BTBD16: variants seen among roughly 807,000 people sequenced by gnomAD.
The protein encoded by BTBD16 is BTB domain containing 16.
Under a neutral mutation model 67.4 loss-of-function variants are expected in BTBD16, and 66 were observed. The ratio of observed to expected loss-of-function variants is 0.98; its 90% CI spans 0.80 to 1.20. The LOEUF is 1.20. Ranked by LOEUF, BTBD16 falls within the 50% of genes most tolerant of loss-of-function variation. The pLI, the probability that BTBD16 is intolerant of heterozygous loss-of-function variation, is 0.00. For missense variants in BTBD16, 634 were observed against 616.0 expected (o/e 1.03, Z -0.31); for synonymous variants, 242 against 236.4 (o/e 1.02, Z -0.22).
At chr10:122,301,264 G>GA (rs1000793989) in intron 9 of BTBD16, among the ~76,000 whole-genome samples, 1 of 152,142 alleles carries the variant, frequency 6.6e-6, no homozygotes, top group South Asian at 2.1e-4. Flanking sequence ...CAAGAAAGGA[G>GA]AAAAAAATGT....
chr10:122,314,861 G>A (rs2096421037), intron 10 of BTBD16, among the ~76,000 whole-genome samples: 1 of 151,440 alleles, frequency 6.6e-6, no homozygotes, highest in Admixed American at 6.6e-5. Context: ...TTCCCTTATT[G>A]CACTAGGTAG....
intron 5 of BTBD16, among the ~76,000 whole-genome samples, chr10:122,288,493 C>A (rs967038112): frequency 1.3e-5 from 2 of 152,150 alleles, no homozygotes; most frequent in African/African-American, 2.4e-5. Flanking sequence ...CATCATTTTT[C>A]ATTATCTGGA....
chr10:122,295,512 T>G, intron 7 of BTBD16: 1 of 985,352 alleles, frequency 1.0e-6, no homozygotes, highest in Non-Finnish European at 1.2e-6. Context: ...TGGTTTAGGC[T>G]GAGCCCCTCC....
intron 12 of BTBD16, 91 bp from the exon 13 acceptor site, chr10:122,332,345 G>C: frequency 8.3e-7 from 1 of 1,201,138 alleles, no homozygotes; most frequent in Non-Finnish European, 1.2e-6. Context: ...TGGTGAGGGG[G>C]GCAGGGGTCA....
chr10:122,313,095 C>G (rs1335617122), intron 10 of BTBD16, among the ~76,000 whole-genome samples: 1 of 151,746 alleles, frequency 6.6e-6, no homozygotes, highest in Admixed American at 6.6e-5. Flanking sequence ...CCAGGCTGGT[C>G]TCGAACTCCT....
intron 12 of BTBD16, among the ~76,000 whole-genome samples, chr10:122,331,696 C>T (rs1218950794): frequency 6.6e-6 from 1 of 152,148 alleles, no homozygotes; most frequent in African/African-American, 2.4e-5. Context: ...GGCATTTCCC[C>T]TTTGTGAATT....
intron 3 of BTBD16, among the ~76,000 whole-genome samples, chr10:122,281,138 GAT>G (rs2096352157): frequency 6.6e-6 from 1 of 152,128 alleles, no homozygotes; most frequent in South Asian, 2.1e-4. Flanking sequence ...AAGTGAGGAG[GAT>G]TACATCATTG....
chr10:122,302,633 C>T (rs2096396318), intron 9 of BTBD16, among the ~76,000 whole-genome samples: 1 of 152,224 alleles, frequency 6.6e-6, no homozygotes, highest in Admixed American at 6.5e-5. Context: ...GACAAGGTTC[C>T]TATGGGTGTC....
intron 10 of BTBD16, chr10:122,328,797 C>A: frequency 1.0e-6 from 1 of 985,362 alleles, no homozygotes; most frequent in South Asian, 4.7e-5. Flanking sequence ...TCTGTGTGTG[C>A]GTGTCTTCTC....
intron 9 of BTBD16, among the ~76,000 whole-genome samples, chr10:122,305,759 G>A (rs2096402671): frequency 6.6e-6 from 1 of 152,162 alleles, no homozygotes; most frequent in Non-Finnish European, 1.5e-5. Flanking sequence ...CATCAGGTAG[G>A]CCCTGTGTCT....
intron 9 of BTBD16, among the ~76,000 whole-genome samples, chr10:122,304,550 CTTTT>C (rs3037891): frequency 4.2e-5 from 4 of 95,456 alleles, no homozygotes; most frequent in Admixed American, 1.2e-4. Context: ...AGCAGGTATT[CTTTT>C]TTTTTTTTTT....
chr10:122,290,560 A>T (rs1038208330), intron 6 of BTBD16, among the ~76,000 whole-genome samples: 7 of 152,136 alleles, frequency 4.6e-5, no homozygotes, highest in Admixed American at 1.3e-4. Flanking sequence ...TCGCCAGAGG[A>T]CACTCTGACG....
rs2096341908 is a variant in BTBD16 at position 122,276,933 on chromosome 10, C to T, written c.161C>T (p.Pro54Leu). The T allele has an allele frequency of 6.2e-7, 1 of 1,613,932 alleles. No individual in the cohort carries two copies. The highest frequency in any genetic ancestry group is 2.2e-5 in the East Asian group (1 of 44,856). ...GACTTTGAGGAAGCTTTGAGGAACCCAGACAGGTATGGAGACTCAAAGGTT... is the reference window on the plus strand; with the variant it reads ...GACTTTGAGGAAGCTTTGAGGAACCTAGACAGGTATGGAGACTCAAAGGTT... ...SIDFEEALRN[P>L]DRLCISQIQK... The change falls in exon 3 of 16, where the codon CCA becomes CTA. Residue 54 changes from proline (P) to leucine (L), a missense_variant. Physicochemically the swap from Pro to Leu is moderately conservative, Grantham distance 98 (BLOSUM62 -3). Coordinates refer to ENST00000260723, the MANE Select transcript of BTBD16 (RefSeq NM_144587.5).
intron 10 of BTBD16, among the ~76,000 whole-genome samples, chr10:122,312,146 T>C (rs2096414790): frequency 6.6e-6 from 1 of 152,188 alleles, no homozygotes; most frequent in South Asian, 2.1e-4. Flanking sequence ...AATTACTATG[T>C]CATAGGGTAT....
At chr10:122,310,459 T>C (rs1181449994) in intron 10 of BTBD16, among the ~76,000 whole-genome samples, 5 of 152,100 alleles carry the variant, frequency 3.3e-5, no homozygotes, top group Non-Finnish European at 7.4e-5. Flanking sequence ...CTCTGCTCCC[T>C]GTGGAGGTGG....
chr10:122,322,122 T>G (rs1035936038), intron 10 of BTBD16, among the ~76,000 whole-genome samples: 1 of 152,220 alleles, frequency 6.6e-6, no homozygotes, highest in Non-Finnish European at 1.5e-5. Context: ...TTTTATTCAT[T>G]TTTTTAAAAA....
In BTBD16 at chr10:122,276,823, C is replaced by G. The variant is rs373423310; in HGVS notation, c.51C>G (p.Gly17=). The change falls in exon 3 of 16, where the codon GGC becomes GGG. Residue 17 remains glycine (G), a synonymous_variant. Coordinates refer to ENST00000260723, the MANE Select transcript of BTBD16 (RefSeq NM_144587.5). ...CTCGGCTGGAACGCCGGGTCACTGG[C>G]TCAACCAACCGGTGGCGTTTGCCCA... is the stretch of plus-strand genomic sequence containing the variant. The part of the protein sequence containing the change: ...HKARLERRVT[G]STNRWRLPKQ... The G allele has an allele frequency of 5.2e-5, 84 of 1,614,152 alleles. No individual in the cohort carries two copies. The highest frequency in any genetic ancestry group is 6.8e-5 in the Non-Finnish European group (80 of 1,180,046).
Position 122,286,106 on chromosome 10 carries a change from T to A in BTBD16, c.243T>A (p.Asp81Glu), listed in dbSNP as rs202143948. 3.7e-6 allele frequency: 6 copies of A among 1,612,868 alleles called. No homozygotes were observed. Among genetic ancestry groups the A allele is most frequent in the Non-Finnish European group, 5.1e-6 (6 of 1,179,246 alleles). The change falls in exon 5 of 16, where the codon GAT (aspartate) becomes GAA (glutamate). Residue 81 changes from aspartate (D) to glutamate (E), a missense_variant and splice_region_variant. By Grantham distance (45) the Asp-to-Glu change is conservative. Transcript: ENST00000260723. ...KNKDIQSGEA[D>E]VILECLGFKW... ...CTCAGCATCATTTTCTGTCCTCAGA[T>A]GTGATTCTCGAGTGCCTGGGCTTCA...
intron 11 of BTBD16, among the ~76,000 whole-genome samples, chr10:122,330,620 A>G (rs2096453587): frequency 6.6e-6 from 1 of 152,154 alleles, no homozygotes; most frequent in Non-Finnish European, 1.5e-5. Flanking sequence ...ATTAATATGT[A>G]GTATAGACAT....
Sources: gnomAD v4.1 joint callset for allele counts (sites outside exome capture counted in the v4.1 genomes callset) on GRCh38, gnomAD v4.1.1 for gene constraint, MANE v1.5 for transcripts, NCBI Gene and HGNC (gene_info 2026-07-23, HGNC 2026-07-21) for gene names.